Variants in EPHA6 observed in about 807,000 individuals in gnomAD.
The protein encoded by EPHA6 is EPH receptor A6, also known as ephrin type-A receptor 6.
In EPHA6, 50 loss-of-function variants were observed where a neutral mutation model predicts 112.0. The observed-to-expected ratio is 0.45, with a 90% confidence interval of 0.36 to 0.56. The LOEUF (loss-of-function observed/expected upper bound fraction) is 0.56, where lower values mean the gene tolerates loss of function less well. EPHA6 is among the 20% of genes least tolerant of loss of function. EPHA6 has a pLI of 0.00. For synonymous variants in EPHA6, 529 were observed against 490.7 expected, an observed-to-expected ratio of 1.08 and a Z score of -1.03; for missense variants, 1,280 against 1,417.4, an observed-to-expected ratio of 0.90 and a Z score of 1.56.
intron 9 of EPHA6, chr3:97,481,610 C>G (rs2091551895): frequency 2.0e-6 from 1 of 491,826 alleles, no homozygotes; most frequent in Non-Finnish European, 3.8e-6. Flanking sequence ...CAGGGAGCAG[C>G]TGTTGCGCCC....
At chr3:97,596,510 T>C (rs778700391) in intron 12 of EPHA6, among the ~76,000 whole-genome samples, 2 of 151,910 alleles carry the variant, frequency 1.3e-5, no homozygotes, top group Non-Finnish European at 2.9e-5. Flanking sequence ...ATTTCATGAA[T>C]TCACTTTCTC....
At chr3:97,243,568 AT>A (rs961305535) in intron 4 of EPHA6, among the ~76,000 whole-genome samples, 5 of 151,376 alleles carry the variant, frequency 3.3e-5, no homozygotes, top group African/African-American at 1.2e-4. Flanking sequence ...GTATGTTACT[AT>A]TTTTTTTCAA....
chr3:97,210,691 G>C (rs926748058), intron 3 of EPHA6, among the ~76,000 whole-genome samples: 15 of 152,144 alleles, frequency 9.9e-5, no homozygotes, highest in Admixed American at 3.9e-4. Flanking sequence ...ATGGCCTTGA[G>C]CAAATGTTCC....
At chr3:97,273,114 T>C (rs1001084952) in intron 5 of EPHA6, among the ~76,000 whole-genome samples, 2 of 152,092 alleles carry the variant, frequency 1.3e-5, no homozygotes, top group Non-Finnish European at 2.9e-5. Context: ...ATGGCCTGGA[T>C]ATGGTTTTGT....
intron 4 of EPHA6, among the ~76,000 whole-genome samples, chr3:97,242,373 A>C (rs2078872145): frequency 6.6e-6 from 1 of 151,700 alleles, no homozygotes; most frequent in South Asian, 2.1e-4. Context: ...TCTATTCCTA[A>C]TATTTTTCCC....
chr3:97,530,109 A>T (rs2107643408), intron 10 of EPHA6, among the ~76,000 whole-genome samples: 1 of 152,148 alleles, frequency 6.6e-6, no homozygotes, highest in South Asian at 2.1e-4. Context: ...AGGAAAAAAT[A>T]AATATTTGTT....
intron 2 of EPHA6, among the ~76,000 whole-genome samples, chr3:96,975,574 A>G (rs2042488956): frequency 6.6e-6 from 1 of 152,204 alleles, no homozygotes; most frequent in South Asian, 2.1e-4. Context: ...TGATGAATAT[A>G]AGTTCAGTAT....
In EPHA6 at chr3:97,244,105, A is replaced by T; in HGVS notation, c.1424A>T (p.Asp475Val). The change falls in exon 5 of 18, where the codon GAC becomes GTC. Residue 475 changes from aspartate (D) to valine (V), a missense_variant. Physicochemically the swap from Asp to Val is radical, Grantham distance 152. Around this residue, in one of 4 missense-constraint regions of EPHA6, gnomAD observed 878 missense variants for 999.7 expected, o/e 0.88. Transcript: ENST00000389672. ...GGCTTAGACACCAGCCAGTGTGAGGACTGTGGTGGAGGACTCCGCTTCATC... is the reference window on the plus strand; with the variant it reads ...GGCTTAGACACCAGCCAGTGTGAGGTCTGTGGTGGAGGACTCCGCTTCATC... ...KCGLDTSQCE[D>V]CGGGLRFIPR... 6.2e-7 allele frequency: 1 copy of T among 1,613,026 alleles called. No individual in the cohort carries two copies. Among genetic ancestry groups the T allele is most frequent in the South Asian group, 1.1e-5 (1 of 91,060 alleles).
At chr3:97,064,225 T>C (rs2046110786) in intron 3 of EPHA6, among the ~76,000 whole-genome samples, 1 of 152,168 alleles carries the variant, frequency 6.6e-6, no homozygotes, top group South Asian at 2.1e-4. Flanking sequence ...TCATATAGAA[T>C]CCTCAATTTA....
At chr3:97,384,006 T>C (rs1021310953) in intron 5 of EPHA6, among the ~76,000 whole-genome samples, 1 of 152,180 alleles carries the variant, frequency 6.6e-6, no homozygotes, top group Non-Finnish European at 1.5e-5. Flanking sequence ...AAGAAATAAA[T>C]TGTTTTCTAT....
At chr3:97,068,064 A>G (rs2046232425) in intron 3 of EPHA6, among the ~76,000 whole-genome samples, 1 of 150,494 alleles carries the variant, frequency 6.6e-6, no homozygotes. Flanking sequence ...GCTGAGGCAG[A>G]GAATTGCTTG....
intron 7 of EPHA6, among the ~76,000 whole-genome samples, chr3:97,465,573 G>A (rs1410455573): frequency 6.6e-6 from 1 of 151,994 alleles, no homozygotes; most frequent in Non-Finnish European, 1.5e-5. Flanking sequence ...AAATAGTTTG[G>A]TGTTCTTCAG....
intron 14 of EPHA6, among the ~76,000 whole-genome samples, chr3:97,687,943 C>G (rs1463549109): frequency 6.6e-6 from 1 of 152,142 alleles, no homozygotes; most frequent in Non-Finnish European, 1.5e-5. Flanking sequence ...AATGCAAGCA[C>G]GTTAAAGCCC....
In EPHA6 at chr3:97,173,226, C is replaced by T. The variant is rs115847282; in HGVS notation, c.1115-53038C>T. Among the ~76,000 whole-genome samples, 1,400 of 151,858 alleles carry T rather than the reference C, an allele frequency of 9.2e-3. 6 individuals carry two copies. The highest frequency in any genetic ancestry group is 0.017 in the Middle Eastern group (5 of 294). On this transcript the variant is annotated intron_variant, in intron 3 of 17. Transcript: ENST00000389672. ...TTGAAATGTATTAAAGCTTAAATGT[C>T]AAGTGGCATGCTAGCATATTTTAGA... is the stretch of plus-strand genomic sequence containing the variant.
chr3:97,690,451 C>G (rs970698295), intron 14 of EPHA6, among the ~76,000 whole-genome samples: 1 of 150,708 alleles, frequency 6.6e-6, no homozygotes, highest in East Asian at 1.9e-4. Context: ...TTCTTTGGAA[C>G]AATGTCTACT....
chr3:97,391,791 A>G (rs2086413626), intron 5 of EPHA6, among the ~76,000 whole-genome samples: 1 of 151,816 alleles, frequency 6.6e-6, no homozygotes, highest in South Asian at 2.1e-4. Context: ...AATTGCTGCT[A>G]TTTTATTTCA....
intron 3 of EPHA6, among the ~76,000 whole-genome samples, chr3:97,064,405 C>T (rs2108133571): frequency 6.6e-6 from 1 of 152,274 alleles, no homozygotes; most frequent in East Asian, 1.9e-4. Context: ...AAAGAGCCAA[C>T]TTCTCTTTCT....
chr3:97,720,398 G>A lies in EPHA6; in HGVS notation c.2922G>A (p.Met974Ile). The change falls in exon 15 of 18, where the codon ATG becomes ATA. Residue 974 changes from methionine to isoleucine, a missense_variant. By Grantham distance (10) the Met-to-Ile change is conservative. This residue lies in a region of EPHA6 where 37 missense variants were observed against 92.9 expected (regional missense o/e 0.40). Coordinates refer to ENST00000389672, the MANE Select transcript of EPHA6 (RefSeq NM_001080448.3). ...MSYGERPYWE[M>I]SNQDVILSIE... ...ATGGAGAGAGACCTTATTGGGAAAT[G>A]TCTAACCAAGATGTAAGTGCTACCG... The A allele has an allele frequency of 6.3e-7, 1 of 1,598,522 alleles. No homozygotes were observed. Among genetic ancestry groups the A allele is most frequent in the Non-Finnish European group, 8.5e-7 (1 of 1,173,814 alleles).
At chr3:97,106,591 A>T (rs1406022083) in intron 3 of EPHA6, among the ~76,000 whole-genome samples, 2 of 152,040 alleles carry the variant, frequency 1.3e-5, no homozygotes, top group Admixed American at 1.3e-4. Context: ...TTCCAAGCCC[A>T]CTTGTGATCT....
Sources: gnomAD v4.1 joint callset for allele counts (sites outside exome capture counted in the v4.1 genomes callset) on GRCh38, gnomAD v4.1.1 for gene constraint, gnomAD v4.1.1 regional missense constraint, MANE v1.5 for transcripts, NCBI Gene and HGNC (gene_info 2026-07-23, HGNC 2026-07-21) for gene names.